The following KCNMA1 variants were observed in gnomAD, a reference collection of about 807,000 sequenced individuals.
KCNMA1 encodes Calcium-activated potassium channel subunit alpha-1.
In KCNMA1, 29 loss-of-function variants were observed where a neutral mutation model predicts 140.0. That is an observed-to-expected ratio of 0.21 (90% confidence interval 0.15 to 0.28). The LOEUF (loss-of-function observed/expected upper bound fraction) is 0.28. Ranked by LOEUF, KCNMA1 falls within the 10% of genes least tolerant of loss-of-function variation. The pLI is 1.00. For missense variants in KCNMA1, 880 were observed against 1,602.2 expected (o/e 0.55, Z 7.70); for synonymous variants, 612 against 611.9 (o/e 1.00, Z 0.00).
intron 2 of KCNMA1, among the ~76,000 whole-genome samples, chr10:77,299,416 C>T (rs184068644): frequency 9.1e-4 from 139 of 152,328 alleles, no homozygotes; most frequent in African/African-American, 3.2e-3. Flanking sequence ...GCTCCCTAGG[C>T]CAGCATCTGG....
intron 14 of KCNMA1, among the ~76,000 whole-genome samples, chr10:77,058,427 A>G (rs138086182): frequency 6.6e-6 from 1 of 152,248 alleles, no homozygotes; most frequent in Non-Finnish European, 1.5e-5. Context: ...TGACATTTAT[A>G]GAACACTCTG....
chr10:76,887,121 A>G lies in KCNMA1; in HGVS notation c.*145T>C. The G allele has an allele frequency of 1.3e-6, 2 of 1,592,108 alleles. No homozygotes were observed. The highest frequency in any genetic ancestry group is 2.2e-5 in the South Asian group (2 of 89,506). On this transcript the variant is annotated 3_prime_UTR_variant, in exon 28 of 28. Transcript: ENST00000286628. ...GTGGTGAAATAAAAATGACAACCACATGCACACTATCATACATATGCAAAT... is the reference window on the plus strand; with the variant it reads ...GTGGTGAAATAAAAATGACAACCACGTGCACACTATCATACATATGCAAAT...
chr10:77,088,593 C>A (rs1237932919), intron 10 of KCNMA1, among the ~76,000 whole-genome samples: 3 of 152,126 alleles, frequency 2.0e-5, no homozygotes, highest in East Asian at 3.9e-4. Context: ...CTATGCCTGG[C>A]TAATCTTTCT....
At chr10:77,314,966 A>T (rs1005364067) in intron 2 of KCNMA1, among the ~76,000 whole-genome samples, 1 of 138,504 alleles carries the variant, frequency 7.2e-6, no homozygotes, top group African/African-American at 2.7e-5. Context: ...ACACACACAC[A>T]CGAAGCAATG....
At chr10:77,486,860 TC>T (rs2098467010) in intron 1 of KCNMA1, among the ~76,000 whole-genome samples, 1 of 152,216 alleles carries the variant, frequency 6.6e-6, no homozygotes, top group African/African-American at 2.4e-5. Flanking sequence ...TTTCCCTTCC[TC>T]CCTAGTCCCC....
chr10:76,899,419 T>C (rs76352920), intron 25 of KCNMA1, among the ~76,000 whole-genome samples: 1,866 of 152,274 alleles, frequency 0.012, 40 homozygotes, highest in African/African-American at 0.041. Context: ...ATGAGAACCA[T>C]AGCTTAGTAG....
chr10:77,634,357 A>G, intron 1 of KCNMA1: 1 of 985,488 alleles, frequency 1.0e-6, no homozygotes, highest in Non-Finnish European at 1.2e-6. Context: ...AAAAGTCCAC[A>G]TGCCACTCTT....
At chr10:77,622,812 C>T (rs999463802) in intron 1 of KCNMA1, among the ~76,000 whole-genome samples, 1 of 152,094 alleles carries the variant, frequency 6.6e-6, no homozygotes, top group Non-Finnish European at 1.5e-5. Context: ...ATAGTAACTC[C>T]AATTCCCACA....
At chr10:77,127,712 C>T (rs1358429812) in intron 5 of KCNMA1, among the ~76,000 whole-genome samples, 2 of 152,144 alleles carry the variant, frequency 1.3e-5, no homozygotes, top group African/African-American at 4.8e-5. Flanking sequence ...GTGGCTCATG[C>T]CTGTTATCCC....
At chr10:77,475,499 C>G (rs1200361852) in intron 1 of KCNMA1, among the ~76,000 whole-genome samples, 1 of 152,150 alleles carries the variant, frequency 6.6e-6, no homozygotes, top group Non-Finnish European at 1.5e-5. Flanking sequence ...GCTTAGTGGT[C>G]TGCATTTTAC....
At chr10:77,086,683 A>C in intron 10 of KCNMA1, 90 bp from the exon 11 acceptor site, 1 of 871,182 alleles carries the variant, frequency 1.1e-6, no homozygotes, top group Non-Finnish European at 1.9e-6. Context: ...TTCCACAGGG[A>C]GCCCTGGGGA....
chr10:77,244,393 A>T (rs765160276), intron 3 of KCNMA1, among the ~76,000 whole-genome samples: 1 of 152,168 alleles, frequency 6.6e-6, no homozygotes, highest in Non-Finnish European at 1.5e-5. Context: ...GATTTCCCCA[A>T]TGAAAGCCAA....
chr10:77,235,637 C>G (rs1214345759), intron 3 of KCNMA1, among the ~76,000 whole-genome samples: 1 of 152,128 alleles, frequency 6.6e-6, no homozygotes, highest in African/African-American at 2.4e-5. Context: ...TGCAGAGGAG[C>G]CAAGGGAAGG....
At chr10:77,390,992 C>G (rs2095800671) in intron 2 of KCNMA1, among the ~76,000 whole-genome samples, 1 of 152,144 alleles carries the variant, frequency 6.6e-6, no homozygotes, top group African/African-American at 2.4e-5. Context: ...TCACCAAAAG[C>G]CACAAAACAT....
chr10:77,113,206 TACTC>T (rs59618459), intron 6 of KCNMA1, among the ~76,000 whole-genome samples: 16,015 of 152,074 alleles, frequency 0.11, 1,821 homozygotes, highest in East Asian at 0.5. Flanking sequence ...TTGTCACAAA[TACTC>T]AACTCTGTCA....
At chr10:77,496,589 A>G (rs1222485982) in intron 1 of KCNMA1, among the ~76,000 whole-genome samples, 1 of 105,974 alleles carries the variant, frequency 9.4e-6, no homozygotes, top group Non-Finnish European at 1.8e-5. Context: ...AGAGCGAGAC[A>G]CTGTCTCAAA....
At chr10:77,636,579 G>A (rs1433763814) in intron 1 of KCNMA1, 2 of 1,536,176 alleles carry the variant, frequency 1.3e-6, no homozygotes, top group Admixed American at 2.0e-5. Flanking sequence ...CCTAAGGGAC[G>A]GAGTGGGAGG....
rs1247365587 is a variant in KCNMA1 at position 76,910,422 on chromosome 10, T to C, written c.3017-326A>G. On this transcript the variant is annotated intron_variant, in intron 24 of 27. Coordinates refer to ENST00000286628, the MANE Select transcript of KCNMA1 (RefSeq NM_001161352.2). The stretch of plus-strand genomic sequence containing the variant: ...ATGACCTAAAAACACTTTCCAGTGT[T>C]TTTTGGTAACCAAGTCCTTTGAGAG... 9.1e-5 allele frequency: 32 copies of C among 352,330 alleles called. No individual in the cohort carries two copies. In the Admixed American group the frequency reaches 1.2e-3, roughly 13 times the overall value. The allele number at this position is 352,330 out of a possible 1,614,324, so 21.8% of individuals were successfully genotyped here. A position where few individuals can be genotyped will look rare whatever the true frequency, so the allele number is the denominator to read the frequency against.
intron 2 of KCNMA1, among the ~76,000 whole-genome samples, chr10:77,382,885 A>AATATATAT (rs1217045657): frequency 9.9e-5 from 9 of 91,300 alleles, no homozygotes; most frequent in African/African-American, 4.3e-4. Flanking sequence ...AAAAAAAAAA[A>AATATATAT]ATATATATAT....
Sources: gnomAD v4.1 joint callset for allele counts (sites outside exome capture counted in the v4.1 genomes callset) on GRCh38, gnomAD v4.1.1 for gene constraint, MANE v1.5 for transcripts, NCBI Gene and HGNC (gene_info 2026-07-23, HGNC 2026-07-21) for gene names.